Variants in SFSWAP observed in about 807,000 individuals in gnomAD.
The protein encoded by SFSWAP is splicing factor, suppressor of white-apricot homolog.
SFSWAP carries 17 observed loss-of-function variants against 100.7 expected under a neutral mutation model. The observed-to-expected ratio is 0.17, with a 90% CI of 0.12 to 0.25. SFSWAP has a LOEUF of 0.25. Ranked by LOEUF, SFSWAP falls within the 10% of genes least tolerant of loss-of-function variation. The pLI, the probability that SFSWAP is intolerant of heterozygous loss-of-function variation, is 1.00. For missense variants in SFSWAP, 1,005 were observed against 1,262.6 expected, an observed-to-expected ratio of 0.80 and a Z score of 3.09; for synonymous variants, 504 against 510.1, an observed-to-expected ratio of 0.99 and a Z score of 0.16.
intron 13 of SFSWAP, among the ~76,000 whole-genome samples, chr12:131,769,526 G>A (rs1013829340): frequency 6.6e-6 from 1 of 152,232 alleles, no homozygotes; most frequent in African/African-American, 2.4e-5. Context: ...CCAATCTGCT[G>A]TAGTTCCGCA....
chr12:131,719,199 G>A lies in SFSWAP; in HGVS notation c.521-255G>A, dbSNP rs192708412. On this transcript the variant is annotated intron_variant, in intron 3 of 17. Coordinates refer to ENST00000261674, the MANE Select transcript of SFSWAP (RefSeq NM_004592.4). Reference sequence around the variant, plus strand: ...CCCCTGCGTATACCAAGGGAATACCGTGCAGTCTGACCCTATACACACTCC... The same window carrying A: ...CCCCTGCGTATACCAAGGGAATACCATGCAGTCTGACCCTATACACACTCC... Among the ~76,000 whole-genome samples, 596 of 152,214 alleles carry A rather than the reference G, an allele frequency of 3.9e-3. 3 individuals carry two copies. Among genetic ancestry groups the A allele is most frequent in the Non-Finnish European group, 6.0e-3 (410 of 68,012 alleles).
At chr12:131,756,402 A>C in intron 10 of SFSWAP, 71 bp from the exon 11 acceptor site, 1 of 1,375,186 alleles carries the variant, frequency 7.3e-7, no homozygotes, top group Non-Finnish European at 1.0e-6. Flanking sequence ...CATATACCGT[A>C]TACATCTCTC....
chr12:131,753,247 G>T lies in SFSWAP; in HGVS notation c.1206G>T (p.Val402=). The part of the protein sequence containing the change: ...YYSTLPAGVT[V]SNSPGVTTTA... Reference sequence around the variant, plus strand: ...GCACCCTTCCTGCTGGCGTGACCGTGTCTAACTCCCCTGGAGTGACGACCA... The same window carrying T: ...GCACCCTTCCTGCTGGCGTGACCGTTTCTAACTCCCCTGGAGTGACGACCA... Residue 402 remains valine (V), a synonymous_variant, in exon 8 of 18, where the codon GTG becomes GTT. Transcript: ENST00000261674. 1 of 1,614,196 alleles carries T rather than the reference G, an allele frequency of 6.2e-7. No homozygotes were observed. The highest frequency in any genetic ancestry group is 8.5e-7 in the Non-Finnish European group (1 of 1,180,022).
intron 15 of SFSWAP, among the ~76,000 whole-genome samples, chr12:131,788,809 A>G (rs1885064152): frequency 6.6e-6 from 1 of 152,114 alleles, no homozygotes; most frequent in Non-Finnish European, 1.5e-5. Context: ...CAATCATTAT[A>G]TTAATCCTAC....
intron 13 of SFSWAP, among the ~76,000 whole-genome samples, chr12:131,771,720 CTCGGCTCAA>C (rs1883627541): frequency 7.1e-6 from 1 of 140,436 alleles, no homozygotes; most frequent in African/African-American, 2.7e-5. Flanking sequence ...GTAGCGCGAT[CTCGGCTCAA>C]TTGGCTCACT....
chr12:131,764,001 C>T (rs1203430187), intron 11 of SFSWAP, among the ~76,000 whole-genome samples: 1 of 152,124 alleles, frequency 6.6e-6, no homozygotes, highest in Non-Finnish European at 1.5e-5. Flanking sequence ...CAGCGGGCGC[C>T]TGTACTCCCA....
Position 131,753,165 on chromosome 12 carries a change from A to G in SFSWAP, c.1124A>G (p.Asp375Gly). The G allele has an allele frequency of 3.1e-6, 5 of 1,614,134 alleles. No individual in the cohort carries two copies. Among genetic ancestry groups the G allele is most frequent in the Non-Finnish European group, 4.2e-6 (5 of 1,180,000 alleles). The change falls in exon 8 of 18, where the codon GAC (aspartate) becomes GGC (glycine). Residue 375 changes from aspartate (D) to glycine (G), a missense_variant. By Grantham distance (94) the Asp-to-Gly change is moderately conservative. Around this residue, in one of 7 missense-constraint regions of SFSWAP, gnomAD observed 311 missense variants for 317.8 expected, o/e 0.98. Coordinates refer to ENST00000261674, the MANE Select transcript of SFSWAP (RefSeq NM_004592.4). ...AMYYSYYMLP[D>G]GTYCLAPPPP... ...TATTACAGCTACTACATGCTACCGG[A>G]CGGCACTTACTGCCTGGCGCCGCCC... is the stretch of plus-strand genomic sequence containing the variant.
chr12:131,778,419 A>G lies in SFSWAP; in HGVS notation c.2408+89A>G. 3.3e-6 allele frequency: 5 copies of G among 1,532,954 alleles called. No individual in the cohort carries two copies. The highest frequency in any genetic ancestry group is 1.7e-6 in the Non-Finnish European group (2 of 1,143,568). The allele number at this position is 1,532,954 out of a possible 1,614,324, so 95.0% of individuals were successfully genotyped here. A position where few individuals can be genotyped will look rare whatever the true frequency, so the allele number is the denominator to read the frequency against. ...CAGTAGAGCTAGGTAGAACGTTTAAAATCAGTGCCGCTTTCATTAAGCAGA... is the reference window on the plus strand; with the variant it reads ...CAGTAGAGCTAGGTAGAACGTTTAAGATCAGTGCCGCTTTCATTAAGCAGA... On this transcript the variant is annotated intron_variant, in intron 14 of 17. Coordinates refer to ENST00000261674, the MANE Select transcript of SFSWAP (RefSeq NM_004592.4). The surrounding 1 kb of genome is among the most constrained non-coding windows in gnomAD (Gnocchi z 4.2).
intron 16 of SFSWAP, among the ~76,000 whole-genome samples, chr12:131,798,591 A>G (rs1248868996): frequency 1.3e-5 from 2 of 152,164 alleles, no homozygotes; most frequent in Admixed American, 6.5e-5. Context: ...GCCAAGTTTT[A>G]TTGAAGGATA....
At chr12:131,741,138 ATTTTTGTAT>A (rs1357960235) in intron 7 of SFSWAP, among the ~76,000 whole-genome samples, 1 of 151,326 alleles carries the variant, frequency 6.6e-6, no homozygotes, top group Non-Finnish European at 1.5e-5. Context: ...CGCTTGGCTA[ATTTTTGTAT>A]TTTTAGTAGA....
chr12:131,726,887 G>T (rs1422438539), intron 5 of SFSWAP, 53 bp from the exon 6 acceptor site: 1 of 1,091,034 alleles, frequency 9.2e-7, no homozygotes, highest in Admixed American at 2.0e-5. Flanking sequence ...TAATTAATTT[G>T]TACTTTTTTT....
chr12:131,778,004 G>C lies in SFSWAP; in HGVS notation c.2143-61G>C. 1 of 1,560,562 alleles carries C rather than the reference G, an allele frequency of 6.4e-7. No individual in the cohort carries two copies. The highest frequency in any genetic ancestry group is 8.6e-7 in the Non-Finnish European group (1 of 1,160,396). ...AGGGGCCCAAAGTTGAAATTTTATA[G>C]ATATACATCTTCAATGTTCTGTTTT... On this transcript the variant is annotated intron_variant, in intron 13 of 17. Coordinates refer to ENST00000261674, the MANE Select transcript of SFSWAP (RefSeq NM_004592.4). This position sits in a 1 kb window ranked among gnomAD's most constrained non-coding sequence, Gnocchi z 4.2.
chr12:131,735,227 T>C (rs972608591), intron 7 of SFSWAP, among the ~76,000 whole-genome samples: 29 of 152,152 alleles, frequency 1.9e-4, no homozygotes, highest in Non-Finnish European at 4.0e-4. Context: ...CCATGGGCTG[T>C]GCATCATCCC....
At chr12:131,774,432 C>A (rs1883854148) in intron 13 of SFSWAP, among the ~76,000 whole-genome samples, 1 of 152,138 alleles carries the variant, frequency 6.6e-6, no homozygotes, top group Admixed American at 6.6e-5. Flanking sequence ...ATGTTAATTT[C>A]CAGTGTTACA....
At chr12:131,735,213 G>A (rs540997757) in intron 7 of SFSWAP, among the ~76,000 whole-genome samples, 10 of 152,226 alleles carry the variant, frequency 6.6e-5, no homozygotes, top group African/African-American at 1.2e-4. Context: ...GAGAGCCGTC[G>A]TAGCCATGGG....
Position 131,728,512 on chromosome 12 carries a change from T to A in SFSWAP, c.1081+84T>A. 3 of 1,456,742 alleles carry A rather than the reference T, an allele frequency of 2.1e-6. No individual in the cohort carries two copies. The South Asian group carries it at 3.7e-5, about 18-fold the overall frequency. The allele number at this position is 1,456,742 out of a possible 1,614,324, so 90.2% of individuals were successfully genotyped here. A position where few individuals can be genotyped will look rare whatever the true frequency, so the allele number is the denominator to read the frequency against. On this transcript the variant is annotated intron_variant, in intron 7 of 17. Coordinates refer to ENST00000261674, the MANE Select transcript of SFSWAP (RefSeq NM_004592.4). ...ACAGGGCTCTAAACCCCAAGTGTTC[T>A]GTCCTCCAAGTGTAACAAGTATGGA...
chr12:131,746,016 C>T (rs530349280), intron 7 of SFSWAP, among the ~76,000 whole-genome samples: 10 of 152,140 alleles, frequency 6.6e-5, no homozygotes, highest in Admixed American at 1.3e-4. Context: ...AAACAAACAT[C>T]GGTTATGGTC....
chr12:131,759,121 T>C (rs1244007153), intron 11 of SFSWAP, among the ~76,000 whole-genome samples: 1 of 152,056 alleles, frequency 6.6e-6, no homozygotes, highest in African/African-American at 2.4e-5. Context: ...CAACTAGAAG[T>C]TAACACTAGA....
rs1879390128 is a variant in SFSWAP, at chr12:131,730,453, G to A, written c.1081+2025G>A. On this transcript the variant is annotated intron_variant, in intron 7 of 17. Transcript: ENST00000261674. The surrounding 1 kb of genome is among the most constrained non-coding windows in gnomAD (Gnocchi z 4.0). ...TGTGCTAATCACTGGTGGAAGAACA[G>A]CCATGTGCAGACCCCGCAGGACCAG... Among the ~76,000 whole-genome samples the A allele has an allele frequency of 1.3e-5, 2 of 152,232 alleles. No individual in the cohort carries two copies. The highest frequency in any genetic ancestry group is 4.8e-5 in the African/African-American group (2 of 41,470).
Sources: allele counts gnomAD v4.1 joint callset (sites outside exome capture counted in the v4.1 genomes callset), GRCh38; gene constraint gnomAD v4.1.1; regional missense constraint gnomAD v4.1.1; non-coding constraint Gnocchi (gnomAD v3.1); transcripts MANE v1.5; gene names NCBI Gene and HGNC (gene_info 2026-07-23, HGNC 2026-07-21).